HDAC9: variants seen among roughly 807,000 people sequenced by gnomAD.
HDAC9 encodes MEF-2 interacting transcription repressor (MITR) protein.
HDAC9 carries 41 observed loss-of-function variants against 139.4 expected under a neutral mutation model. The ratio of observed to expected loss-of-function variants is 0.29; its 90% CI spans 0.23 to 0.38. The LOEUF (loss-of-function observed/expected upper bound fraction) is 0.38. Ranked by LOEUF, HDAC9 falls within the 10% of genes least tolerant of loss-of-function variation. The pLI is 1.00. For synonymous variants in HDAC9, 517 were observed against 476.2 expected (o/e 1.09, Z -1.12); for missense variants, 1,147 against 1,297.0 (o/e 0.88, Z 1.78).
intron 2 of HDAC9, among the ~76,000 whole-genome samples, chr7:18,510,325 A>G (rs892180920): frequency 1.3e-5 from 2 of 152,188 alleles, no homozygotes; most frequent in African/African-American, 4.8e-5. Context: ...CAAAATGTGA[A>G]ATGTGAAATA....
At chr7:18,563,562 A>G (rs949986373) in intron 2 of HDAC9, among the ~76,000 whole-genome samples, 5 of 152,152 alleles carry the variant, frequency 3.3e-5, no homozygotes, top group Admixed American at 6.5e-5. Context: ...TGATTACACA[A>G]TGTATTTAAG....
intron 2 of HDAC9, among the ~76,000 whole-genome samples, chr7:18,498,783 C>G (rs1219035538): frequency 1.3e-5 from 2 of 152,088 alleles, no homozygotes; most frequent in East Asian, 1.9e-4. Context: ...CTGCTTGCCT[C>G]TTAGCATTCT....
chr7:18,992,615 A>G (rs1439190160), intron 25 of HDAC9, among the ~76,000 whole-genome samples: 1 of 152,232 alleles, frequency 6.6e-6, no homozygotes, highest in African/African-American at 2.4e-5. Context: ...AATTAAACAA[A>G]TGCTATTTTT....
chr7:18,866,271 C>T (rs890475514), intron 21 of HDAC9, among the ~76,000 whole-genome samples: 2 of 151,894 alleles, frequency 1.3e-5, no homozygotes, highest in African/African-American at 4.8e-5. Context: ...CCTGTCTCAA[C>T]GTGCACCACC....
chr7:18,615,818 A>G (rs933195342), intron 6 of HDAC9, among the ~76,000 whole-genome samples: 1 of 152,208 alleles, frequency 6.6e-6, no homozygotes, highest in African/African-American at 2.4e-5. Flanking sequence ...CAACTACTGT[A>G]TTATTTTCCT....
chr7:18,440,678 G>A (rs74668589), intron 1 of HDAC9, among the ~76,000 whole-genome samples: 4,480 of 151,462 alleles, frequency 0.03, 79 homozygotes, highest in African/African-American at 0.05. Flanking sequence ...TACCCTTATC[G>A]ATTATATTAA....
chr7:18,242,225 C>A (rs1163444074), intron 2 of HDAC9, among the ~76,000 whole-genome samples: 3 of 152,210 alleles, frequency 2.0e-5, no homozygotes, highest in South Asian at 4.1e-4. Context: ...TATAGCCCAA[C>A]TCCTTGTATA....
intron 2 of HDAC9, among the ~76,000 whole-genome samples, chr7:18,225,897 A>C (rs1793021767): frequency 6.6e-6 from 1 of 152,164 alleles, no homozygotes; most frequent in Non-Finnish European, 1.5e-5. Context: ...ATTAAGTCAT[A>C]CTTAGAGTAT....
At chr7:18,670,312 A>G (rs1230554607) in intron 12 of HDAC9, among the ~76,000 whole-genome samples, 1 of 151,996 alleles carries the variant, frequency 6.6e-6, no homozygotes, top group Non-Finnish European at 1.5e-5. Flanking sequence ...ATTTGAGCAA[A>G]CACAAAGGAA....
chr7:18,240,827 C>T (rs912090418), intron 2 of HDAC9, among the ~76,000 whole-genome samples: 5 of 152,182 alleles, frequency 3.3e-5, no homozygotes, highest in African/African-American at 1.2e-4. Flanking sequence ...TTCTTGCATA[C>T]AGCAAACACA....
intron 1 of HDAC9, among the ~76,000 whole-genome samples, chr7:18,484,075 G>T (rs1239194305): frequency 6.6e-6 from 1 of 151,720 alleles, no homozygotes; most frequent in Non-Finnish European, 1.5e-5. Flanking sequence ...GGCTGGGCAT[G>T]GTGGCCACTG....
chr7:18,665,803 A>T (rs895151750), intron 11 of HDAC9, among the ~76,000 whole-genome samples: 1 of 152,136 alleles, frequency 6.6e-6, no homozygotes, highest in Non-Finnish European at 1.5e-5. Flanking sequence ...TTGAAAAATG[A>T]TATTGACAAC....
chr7:18,889,930 C>T (rs1312752092), intron 22 of HDAC9, among the ~76,000 whole-genome samples: 2 of 152,174 alleles, frequency 1.3e-5, no homozygotes, highest in East Asian at 3.9e-4. Context: ...GTCTTGAACT[C>T]CTGTGCTCAA....
At chr7:18,458,099 C>A (rs994306308) in intron 1 of HDAC9, among the ~76,000 whole-genome samples, 2 of 152,116 alleles carry the variant, frequency 1.3e-5, no homozygotes, top group Admixed American at 6.5e-5. Context: ...AGAGTAGGTG[C>A]CTTTGTGCTG....
chr7:18,791,871 A>G (rs1792345259), intron 16 of HDAC9, among the ~76,000 whole-genome samples: 1 of 152,186 alleles, frequency 6.6e-6, no homozygotes, highest in African/African-American at 2.4e-5. Context: ...TCCTCACTAA[A>G]ATCGTATGCA....
chr7:18,864,749 G>A (rs1451883738), intron 21 of HDAC9, among the ~76,000 whole-genome samples: 1 of 152,068 alleles, frequency 6.6e-6, no homozygotes, highest in East Asian at 1.9e-4. Context: ...GGAGGAAGGG[G>A]AAATGGGAAG....
intron 6 of HDAC9, among the ~76,000 whole-genome samples, chr7:18,623,692 C>A (rs914777937): frequency 6.6e-6 from 1 of 152,116 alleles, no homozygotes; most frequent in African/African-American, 2.4e-5. Flanking sequence ...GCTTGTAATC[C>A]CAACACTTTG....
intron 1 of HDAC9, among the ~76,000 whole-genome samples, chr7:18,302,262 C>T (rs909875353): frequency 2.0e-5 from 3 of 152,134 alleles, no homozygotes; most frequent in African/African-American, 7.2e-5. Context: ...ATGCTTAGTT[C>T]TCTAATTGTG....
chr7:18,878,564 T>G (rs918162028), intron 22 of HDAC9, among the ~76,000 whole-genome samples: 1 of 152,140 alleles, frequency 6.6e-6, no homozygotes, highest in African/African-American at 2.4e-5. Context: ...AAAAAACACA[T>G]GAGTATCTCA....
Sources: allele counts gnomAD v4.1 joint callset (sites outside exome capture counted in the v4.1 genomes callset), GRCh38; gene constraint gnomAD v4.1.1; transcripts MANE v1.5; gene names NCBI Gene and HGNC (gene_info 2026-07-23, HGNC 2026-07-21).